Variants in LPP observed in about 807,000 individuals in gnomAD.
LPP encodes lipoma-preferred partner.
Under a neutral mutation model 60.4 loss-of-function variants are expected in LPP, and 38 were observed. That is an observed-to-expected ratio of 0.63 (90% CI 0.49 to 0.83). The LOEUF is 0.83. Among genes scored for constraint, LPP ranks in the 40% least tolerant of loss-of-function variants. LPP has a pLI of 0.00. For synonymous variants in LPP, 328 were observed against 290.8 expected (o/e 1.13, Z -1.30); for missense variants, 902 against 783.6 (o/e 1.15, Z -1.80).
At chr3:188,360,881 TTCC>T (rs1322418695) in intron 3 of LPP, among the ~76,000 whole-genome samples, 13 of 152,240 alleles carry the variant, frequency 8.5e-5, no homozygotes, top group Non-Finnish European at 1.9e-4. Context: ...AAAATAATTA[TTCC>T]ATTTCCTTGT....
chr3:188,204,578 T>C (rs990872696), intron 1 of LPP, among the ~76,000 whole-genome samples: 1 of 152,222 alleles, frequency 6.6e-6, no homozygotes, highest in Non-Finnish European at 1.5e-5. Flanking sequence ...GAAATATTTT[T>C]ACACCTGTTG....
intron 8 of LPP, among the ~76,000 whole-genome samples, chr3:188,745,821 G>C (rs1725979977): frequency 6.6e-6 from 1 of 152,088 alleles, no homozygotes; most frequent in Admixed American, 6.6e-5. Flanking sequence ...AAACTGTGGA[G>C]TTCTTTGGAG....
chr3:188,389,118 T>C (rs1779064998), intron 3 of LPP, among the ~76,000 whole-genome samples: 1 of 152,070 alleles, frequency 6.6e-6, no homozygotes, highest in African/African-American at 2.4e-5. Context: ...GTTGTGTGTG[T>C]GTATGTATGT....
chr3:188,645,957 T>C (rs1851035717), intron 7 of LPP, among the ~76,000 whole-genome samples: 1 of 152,206 alleles, frequency 6.6e-6, no homozygotes, highest in African/African-American at 2.4e-5. Flanking sequence ...CTTTATATTT[T>C]AAAGCTTTGC....
chr3:188,356,993 A>G (rs998533635), intron 3 of LPP, among the ~76,000 whole-genome samples: 1 of 152,176 alleles, frequency 6.6e-6, no homozygotes. Flanking sequence ...TTTTCATTCC[A>G]TTGCTTTCCA....
At chr3:188,574,929 TC>T (rs2150898481) in intron 6 of LPP, among the ~76,000 whole-genome samples, 1 of 152,248 alleles carries the variant, frequency 6.6e-6, no homozygotes, top group South Asian at 2.1e-4. Flanking sequence ...CCCCTTTTTT[TC>T]ATCACTGTTA....
chr3:188,242,819 T>G (rs1051975042), intron 2 of LPP, among the ~76,000 whole-genome samples: 1 of 152,190 alleles, frequency 6.6e-6, no homozygotes, highest in African/African-American at 2.4e-5. Flanking sequence ...GGGATGATAT[T>G]GAAGACGAAT....
intron 1 of LPP, among the ~76,000 whole-genome samples, chr3:188,202,113 T>C (rs1226854843): frequency 1.3e-5 from 2 of 151,674 alleles, no homozygotes; most frequent in African/African-American, 4.8e-5. Context: ...CTGTTGCCAT[T>C]GGGAAGCCAT....
At chr3:188,811,783 C>G (rs577295177) in intron 9 of LPP, among the ~76,000 whole-genome samples, 2 of 152,228 alleles carry the variant, frequency 1.3e-5, no homozygotes, top group Admixed American at 1.3e-4. Flanking sequence ...CTCAGTTACA[C>G]TGAAACGTTT....
intron 6 of LPP, among the ~76,000 whole-genome samples, chr3:188,580,723 T>C (rs1361596164): frequency 6.6e-6 from 1 of 152,182 alleles, no homozygotes; most frequent in Non-Finnish European, 1.5e-5. Context: ...GGATGATGGC[T>C]ACAGAAAATA....
chr3:188,522,784 AATATATATATATATATATATATAT>A (rs61033243), intron 5 of LPP, among the ~76,000 whole-genome samples: 1 of 125,312 alleles, frequency 8.0e-6, no homozygotes. Context: ...GATAATATGA[AATATATATATATATATATATATAT>A]ATATATATGT....
In LPP at chr3:188,352,805, G is replaced by A. The variant is rs115441869; in HGVS notation, c.-10+11086G>A. Reference sequence around the variant, plus strand: ...GCCGTGCCTAGGAGTGGGCAGAGAAGGTGAAGACACGGAGAGTAACTCAGT... The same window carrying A: ...GCCGTGCCTAGGAGTGGGCAGAGAAAGTGAAGACACGGAGAGTAACTCAGT... On this transcript the variant is annotated intron_variant, in intron 3 of 11. Coordinates refer to ENST00000617246, the MANE Select transcript of LPP (RefSeq NM_001375462.1). The surrounding 1 kb of genome is among the most constrained non-coding windows in gnomAD (Gnocchi z 4.4). 6.5e-3 allele frequency among the ~76,000 whole-genome samples: 994 copies of A among 152,288 alleles called. 6 individuals are homozygous for A. The highest frequency in any genetic ancestry group is 0.022 in the African/African-American group (930 of 41,544).
chr3:188,701,659 A>G (rs929860450), intron 7 of LPP, among the ~76,000 whole-genome samples: 4 of 152,188 alleles, frequency 2.6e-5, no homozygotes, highest in African/African-American at 9.6e-5. Flanking sequence ...TTTGGTGAGC[A>G]GTTAGCAGGC....
chr3:188,662,737 G>A (rs1420233216), intron 7 of LPP, among the ~76,000 whole-genome samples: 3 of 152,180 alleles, frequency 2.0e-5, no homozygotes, highest in African/African-American at 7.2e-5. Flanking sequence ...AGAGATATGT[G>A]AATCAGCATA....
intron 1 of LPP, among the ~76,000 whole-genome samples, chr3:188,183,230 A>T (rs1725640629): frequency 6.6e-6 from 1 of 152,110 alleles, no homozygotes; most frequent in Non-Finnish European, 1.5e-5. Flanking sequence ...CACGTCCTGG[A>T]GTATCCTTTC....
intron 9 of LPP, among the ~76,000 whole-genome samples, chr3:188,861,441 G>T (rs1207999289): frequency 1.3e-5 from 2 of 152,056 alleles, no homozygotes; most frequent in African/African-American, 2.4e-5. Context: ...TTTCCAAATG[G>T]CAGTAATCAC....
intron 2 of LPP, among the ~76,000 whole-genome samples, chr3:188,265,238 G>A (rs73888095): frequency 8.1e-4 from 124 of 152,228 alleles, no homozygotes; most frequent in African/African-American, 2.8e-3. Context: ...TGAGTTTATC[G>A]CTAAAGATGC....
At chr3:188,761,488 T>C (rs891201242) in intron 9 of LPP, among the ~76,000 whole-genome samples, 7 of 152,182 alleles carry the variant, frequency 4.6e-5, no homozygotes, top group Admixed American at 1.3e-4. Flanking sequence ...CTTAAACACA[T>C]GTAGAGCCAT....
At chr3:188,203,965 A>G (rs1732428127) in intron 1 of LPP, among the ~76,000 whole-genome samples, 1 of 152,146 alleles carries the variant, frequency 6.6e-6, no homozygotes, top group South Asian at 2.1e-4. Flanking sequence ...GTTGACTACA[A>G]AGAGCTACAG....
Sources: gnomAD v4.1 joint callset for allele counts (sites outside exome capture counted in the v4.1 genomes callset) on GRCh38, gnomAD v4.1.1 for gene constraint, Gnocchi (gnomAD v3.1) non-coding constraint, MANE v1.5 for transcripts, NCBI Gene and HGNC (gene_info 2026-07-23, HGNC 2026-07-21) for gene names.